The following CSMD2 variants were observed in gnomAD, a reference collection of about 807,000 sequenced individuals.
The protein encoded by CSMD2 is CUB and sushi domain-containing protein 2.
In CSMD2, 130 loss-of-function variants were observed where a neutral mutation model predicts 398.5. The ratio of observed to expected loss-of-function variants is 0.33; its 90% CI spans 0.28 to 0.38. The LOEUF is 0.38. Among genes scored for constraint, CSMD2 ranks in the 10% least tolerant of loss-of-function variants. CSMD2 has a pLI of 1.00. For missense variants in CSMD2, 3,829 were observed against 4,764.9 expected (o/e 0.80, Z 5.78); for synonymous variants, 1,828 against 1,908.5 (o/e 0.96, Z 1.10).
chr1:33,531,843 G>A (rs536328407), intron 64 of CSMD2, among the ~76,000 whole-genome samples: 71 of 152,276 alleles, frequency 4.7e-4, no homozygotes, highest in African/African-American at 1.6e-3. Context: ...ATTGTTTAAT[G>A]GGTATGGAGT....
At chr1:33,837,315 A>C (rs1488190087) in intron 6 of CSMD2, among the ~76,000 whole-genome samples, 1 of 152,232 alleles carries the variant, frequency 6.6e-6, no homozygotes, top group South Asian at 2.1e-4. Context: ...AAAGAAGGTC[A>C]AAACAAGAAG....
chr1:34,073,935 C>T (rs561960845), intron 2 of CSMD2, among the ~76,000 whole-genome samples: 17 of 152,282 alleles, frequency 1.1e-4, no homozygotes, highest in Admixed American at 3.9e-4. Flanking sequence ...CTTACAATCA[C>T]GGCATAAGGC....
chr1:33,670,134 C>G (rs1644445464), intron 25 of CSMD2, among the ~76,000 whole-genome samples: 1 of 152,192 alleles, frequency 6.6e-6, no homozygotes, highest in Admixed American at 6.5e-5. Flanking sequence ...CAGTGGGGAG[C>G]TTTTCCACAG....
At chr1:33,956,677 C>T (rs487638) in intron 3 of CSMD2, among the ~76,000 whole-genome samples, 55,854 of 151,830 alleles carry the variant, frequency 0.37, 10,845 homozygotes, top group African/African-American at 0.49. Context: ...CATACCTTAA[C>T]CCAAGCACTC....
At chr1:33,584,693 GTA>G (rs1407138426) in intron 46 of CSMD2, among the ~76,000 whole-genome samples, 13 of 149,254 alleles carry the variant, frequency 8.7e-5, no homozygotes, top group Non-Finnish European at 7.4e-5. Context: ...ATACATATAT[GTA>G]TATATATATA....
At chr1:33,675,907 A>C (rs1385070457) in intron 25 of CSMD2, among the ~76,000 whole-genome samples, 2 of 152,240 alleles carry the variant, frequency 1.3e-5, no homozygotes, top group Non-Finnish European at 2.9e-5. Context: ...AAAATTCAAC[A>C]ACTCTTCATG....
intron 13 of CSMD2, among the ~76,000 whole-genome samples, chr1:33,753,645 T>C (rs1163835282): frequency 6.6e-6 from 1 of 152,182 alleles, no homozygotes; most frequent in East Asian, 1.9e-4. Context: ...ATGGCAAGCT[T>C]GCATCCTGAG....
At chr1:33,716,188 T>G in intron 20 of CSMD2, 98 bp downstream of exon 20, 2 of 1,019,024 alleles carry the variant, frequency 2.0e-6, no homozygotes, top group Non-Finnish European at 3.0e-6. Context: ...GGAGAGTGGA[T>G]TAATATCTAT....
intron 2 of CSMD2, among the ~76,000 whole-genome samples, chr1:34,043,491 T>A (rs1484786782): frequency 1.3e-5 from 2 of 152,254 alleles, no homozygotes; most frequent in African/African-American, 4.8e-5. Context: ...CTTACTGAAT[T>A]GTTATATATC....
At chr1:33,862,703 C>T (rs1040904136) in intron 5 of CSMD2, among the ~76,000 whole-genome samples, 7 of 152,138 alleles carry the variant, frequency 4.6e-5, no homozygotes, top group Non-Finnish European at 1.0e-4. Flanking sequence ...CAGCTTGTCC[C>T]CTGGAGGGGC....
At chr1:33,856,093 T>C (rs1053090444) in intron 5 of CSMD2, among the ~76,000 whole-genome samples, 1 of 152,180 alleles carries the variant, frequency 6.6e-6, no homozygotes, top group Admixed American at 6.5e-5. Flanking sequence ...TGCTCATGTG[T>C]ATAATGTGTC....
At chr1:33,517,863 G>T (rs1653901159) in intron 70 of CSMD2, among the ~76,000 whole-genome samples, 1 of 152,262 alleles carries the variant, frequency 6.6e-6, no homozygotes, top group Admixed American at 6.5e-5. Context: ...GGGCTGGGCA[G>T]TGATAATGAC....
At chr1:33,854,509 C>A (rs538970556) in intron 5 of CSMD2, among the ~76,000 whole-genome samples, 1 of 152,346 alleles carries the variant, frequency 6.6e-6, no homozygotes, top group Non-Finnish European at 1.5e-5. Context: ...GCACTGCCCA[C>A]TCCTGTCAAG....
In CSMD2 at chr1:33,941,758, T is replaced by G. The variant is rs143552170; in HGVS notation, c.518-5804A>C. On this transcript the variant is annotated intron_variant, in intron 3 of 70. Coordinates refer to ENST00000373381, the MANE Select transcript of CSMD2 (RefSeq NM_001281956.2). ...CTTAATGTCAAGTGCTTTTCATATA[T>G]TTCCATCCCCAAAGAGTTTTCTATA... is the stretch of plus-strand genomic sequence containing the variant. 3.0e-3 allele frequency among the ~76,000 whole-genome samples: 451 copies of G among 152,276 alleles called. 4 individuals carry two copies. Among genetic ancestry groups the G allele is most frequent in the Admixed American group, 4.0e-3 (61 of 15,286 alleles).
At chr1:33,761,562 CAG>C (rs756940632) in intron 13 of CSMD2, among the ~76,000 whole-genome samples, 7 of 152,028 alleles carry the variant, frequency 4.6e-5, no homozygotes, top group Non-Finnish European at 8.8e-5. Flanking sequence ...TTCAACAACT[CAG>C]GGGATGTTCT....
chr1:33,576,005 G>A (rs985421103), intron 49 of CSMD2, among the ~76,000 whole-genome samples: 2 of 152,142 alleles, frequency 1.3e-5, no homozygotes, highest in Non-Finnish European at 1.5e-5. Flanking sequence ...AGTGCCTAAC[G>A]TTGAGACTGT....
intron 1 of CSMD2, among the ~76,000 whole-genome samples, chr1:34,145,671 A>C (rs1329376993): frequency 6.6e-6 from 1 of 152,196 alleles, no homozygotes; most frequent in African/African-American, 2.4e-5. Context: ...AGAACGGGAG[A>C]ACATCCCGCG....
At chr1:33,986,889 T>C (rs1361167031) in intron 3 of CSMD2, among the ~76,000 whole-genome samples, 2 of 152,100 alleles carry the variant, frequency 1.3e-5, no homozygotes, top group Non-Finnish European at 2.9e-5. Flanking sequence ...TGTGGCACAG[T>C]AGGTGCAAGC....
intron 40 of CSMD2, among the ~76,000 whole-genome samples, chr1:33,614,095 A>C (rs1220403137): frequency 2.6e-5 from 4 of 152,198 alleles, no homozygotes; most frequent in Non-Finnish European, 5.9e-5. Context: ...TGGGGTTAAA[A>C]GTACAACTTG....
Sources: allele counts gnomAD v4.1 joint callset (sites outside exome capture counted in the v4.1 genomes callset), GRCh38; gene constraint gnomAD v4.1.1; transcripts MANE v1.5; gene names NCBI Gene and HGNC (gene_info 2026-07-23, HGNC 2026-07-21).